The following ZMIZ1 variants were observed in gnomAD, a reference collection of about 807,000 sequenced individuals.
ZMIZ1 encodes zinc finger MIZ-type containing 1, also known as zinc finger MIZ domain-containing protein 1.
ZMIZ1 carries 17 observed loss-of-function variants against 113.9 expected under a neutral mutation model. The ratio of observed to expected loss-of-function variants is 0.15; its 90% confidence interval spans 0.10 to 0.22. The LOEUF is 0.22. ZMIZ1 is among the 10% of genes least tolerant of loss of function. The pLI, the probability that ZMIZ1 is intolerant of heterozygous loss-of-function variation, is 1.00. For synonymous variants in ZMIZ1, 607 were observed against 603.1 expected (o/e 1.01, Z -0.09); for missense variants, 1,059 against 1,477.8 (o/e 0.72, Z 4.65).
intron 2 of ZMIZ1, among the ~76,000 whole-genome samples, chr10:79,120,362 C>CAT (rs1192044394): frequency 1.3e-5 from 2 of 152,182 alleles, no homozygotes; most frequent in East Asian, 1.9e-4. Flanking sequence ...TTCTGACACA[C>CAT]GGGGCTGCAT....
intron 6 of ZMIZ1, 22 bp from the exon 7 acceptor site, chr10:79,216,147 C>T: frequency 2.1e-6 from 3 of 1,460,606 alleles, no homozygotes; most frequent in Non-Finnish European, 2.7e-6. Context: ...ACTCACCTGC[C>T]CTCCTCCCCT....
chr10:79,283,438 A>G (rs572683738), intron 8 of ZMIZ1, among the ~76,000 whole-genome samples: 150 of 152,340 alleles, frequency 9.8e-4, no homozygotes, highest in Non-Finnish European at 1.8e-3. Flanking sequence ...CTGGGAGCCC[A>G]TGGACCAGTC....
chr10:79,126,648 G>T (rs2132352820), intron 2 of ZMIZ1, among the ~76,000 whole-genome samples: 1 of 152,366 alleles, frequency 6.6e-6, no homozygotes, highest in East Asian at 1.9e-4. Flanking sequence ...GGAGACGGCA[G>T]AAGGAAAGAA....
At chr10:79,091,572 G>C (rs563336735) in intron 1 of ZMIZ1, among the ~76,000 whole-genome samples, 1 of 152,308 alleles carries the variant, frequency 6.6e-6, no homozygotes, top group East Asian at 1.9e-4. Context: ...TAGAGTGGTC[G>C]GTGGGGAGGG....
chr10:79,102,955 C>T (rs537190904), intron 1 of ZMIZ1, among the ~76,000 whole-genome samples: 2 of 152,310 alleles, frequency 1.3e-5, no homozygotes, highest in Admixed American at 6.5e-5. Context: ...AGGTGCTGAC[C>T]CTCCTGGGGC....
intron 8 of ZMIZ1, among the ~76,000 whole-genome samples, chr10:79,281,342 G>A (rs1852730810): frequency 6.6e-6 from 1 of 152,220 alleles, no homozygotes; most frequent in African/African-American, 2.4e-5. Context: ...TGGGCTTTGG[G>A]GTTCAGATGG....
chr10:79,243,697 C>T (rs973384812), intron 7 of ZMIZ1: 15 of 305,748 alleles, frequency 4.9e-5, no homozygotes, highest in African/African-American at 3.0e-4. Flanking sequence ...CCCCAAGCCC[C>T]CGAGGGCGCC....
At chr10:79,291,274 G>T (rs558513421) in intron 10 of ZMIZ1, 98 bp downstream of exon 10, 7 of 1,359,356 alleles carry the variant, frequency 5.1e-6, no homozygotes, top group African/African-American at 1.5e-5. Flanking sequence ...CACGCTTTCT[G>T]CCCTGAGAAG....
At chr10:79,309,262 A>T (rs1854945831) in intron 23 of ZMIZ1, among the ~76,000 whole-genome samples, 1 of 152,188 alleles carries the variant, frequency 6.6e-6, no homozygotes, top group African/African-American at 2.4e-5. Context: ...CTGCCCCTCC[A>T]TGCCGGAGAC....
At chr10:79,161,026 C>T (rs560891072) in intron 3 of ZMIZ1, among the ~76,000 whole-genome samples, 1 of 152,316 alleles carries the variant, frequency 6.6e-6, no homozygotes, top group African/African-American at 2.4e-5. Flanking sequence ...TGGGTGTCAT[C>T]CTCCCTCCTG....
chr10:79,240,542 C>T (rs1397987092), intron 7 of ZMIZ1, among the ~76,000 whole-genome samples: 2 of 152,032 alleles, frequency 1.3e-5, no homozygotes, highest in African/African-American at 4.8e-5. Flanking sequence ...CTGAAAACCC[C>T]AGCTTTGGCC....
chr10:79,305,840 C>T (rs1022492748), intron 21 of ZMIZ1, among the ~76,000 whole-genome samples: 3 of 152,218 alleles, frequency 2.0e-5, no homozygotes, highest in Admixed American at 6.5e-5. Flanking sequence ...CGCCCCGACC[C>T]TCCACCTGCT....
chr10:79,309,502 T>C lies in ZMIZ1; in HGVS notation c.2836-1422T>C, dbSNP rs1261130962. 2.0e-5 allele frequency among the ~76,000 whole-genome samples: 3 copies of C among 151,996 alleles called. No individual in the cohort carries two copies. In the East Asian group the frequency reaches 5.8e-4, roughly 29 times the overall value. On this transcript the variant is annotated intron_variant, in intron 23 of 24. Transcript: ENST00000334512. ...TGTCTCATAAACGGGTCTCCCAAGG[T>C]CTCCAGCAGCACCGTTGCGAGGTCG...
At chr10:79,113,794 C>T (rs1006936473) in intron 1 of ZMIZ1, among the ~76,000 whole-genome samples, 1 of 152,024 alleles carries the variant, frequency 6.6e-6, no homozygotes, top group African/African-American at 2.4e-5. Context: ...CCTCTGAGCC[C>T]CCTCTCCATT....
intron 3 of ZMIZ1, among the ~76,000 whole-genome samples, chr10:79,153,192 C>T (rs1845775570): frequency 6.6e-6 from 1 of 152,238 alleles, no homozygotes; most frequent in Non-Finnish European, 1.5e-5. Flanking sequence ...TGGGGTGGGC[C>T]CTGGGCCATG....
intron 15 of ZMIZ1, 118 bp downstream of exon 15, chr10:79,298,698 G>C: frequency 2.1e-6 from 2 of 958,624 alleles, no homozygotes; most frequent in South Asian, 1.6e-5. Flanking sequence ...AGAGAGTTGA[G>C]AGCAGGTGAG....
chr10:79,246,026 G>A (rs1049707477), intron 7 of ZMIZ1, among the ~76,000 whole-genome samples: 2 of 152,252 alleles, frequency 1.3e-5, no homozygotes, highest in Non-Finnish European at 2.9e-5. Flanking sequence ...CAGTGCAGGC[G>A]AGTCTGTTAG....
intron 19 of ZMIZ1, among the ~76,000 whole-genome samples, chr10:79,304,442 CAT>C (rs1854545083): frequency 6.6e-6 from 1 of 152,244 alleles, no homozygotes; most frequent in African/African-American, 2.4e-5. Flanking sequence ...GTCCCACACA[CAT>C]GTCAGGGCTG....
chr10:79,133,275 C>T (rs891495368), intron 2 of ZMIZ1, among the ~76,000 whole-genome samples: 1 of 152,206 alleles, frequency 6.6e-6, no homozygotes, highest in Non-Finnish European at 1.5e-5. Flanking sequence ...GCCTCTTCCT[C>T]AGGACTGCTT....
Sources: allele counts gnomAD v4.1 joint callset (sites outside exome capture counted in the v4.1 genomes callset), GRCh38; gene constraint gnomAD v4.1.1; transcripts MANE v1.5; gene names NCBI Gene and HGNC (gene_info 2026-07-23, HGNC 2026-07-21).